CPNE9: variants seen among roughly 807,000 people sequenced by gnomAD.
CPNE9 encodes copine family member 9.
In CPNE9, 59 loss-of-function variants were observed where a neutral mutation model predicts 83.0. That is an observed-to-expected ratio of 0.71 (90% CI 0.58 to 0.88). The LOEUF (loss-of-function observed/expected upper bound fraction) is 0.88. Ranked by LOEUF, CPNE9 falls within the 40% of genes least tolerant of loss-of-function variation. CPNE9 has a pLI of 0.00. For synonymous variants in CPNE9, 256 were observed against 273.4 expected (o/e 0.94, Z 0.63); for missense variants, 619 against 720.8 (o/e 0.86, Z 1.62).
intron 11 of CPNE9, 31 bp downstream of exon 11, chr3:9,714,986 G>A (rs1377928771): frequency 6.2e-7 from 1 of 1,600,198 alleles, no homozygotes; most frequent in Admixed American, 1.7e-5. Context: ...CCCTTCTCCT[G>A]TACTTGACCC....
At chr3:9,708,851 G>A (rs929700064) in intron 7 of CPNE9, among the ~76,000 whole-genome samples, 2 of 151,710 alleles carry the variant, frequency 1.3e-5, no homozygotes, top group Admixed American at 1.3e-4. Context: ...AGCCAGGTTG[G>A]TCTCGATCTC....
Position 9,725,938 on chromosome 3 carries a change from C to T in CPNE9, c.1242-11C>T. The T allele has an allele frequency of 6.2e-7, 1 of 1,603,408 alleles. No individual in the cohort carries two copies. The highest frequency in any genetic ancestry group is 1.3e-5 in the African/African-American group (1 of 74,744). On this transcript the variant is annotated splice_polypyrimidine_tract_variant and intron_variant, in intron 17 of 20. Transcript: ENST00000383832. ...GCTTTCAGCTGGATTCTCATTTGGC[C>T]TCTCATCCAGGGCTGCAGCCAAGAT...
chr3:9,705,459 C>G lies in CPNE9; in HGVS notation c.261-5C>G. ...CACCCCACACCGGTTCCACTCTTTT[C>G]CCAGGTACAACGTGGACTCCAAAAC... On this transcript the variant is annotated splice_region_variant and splice_polypyrimidine_tract_variant and intron_variant, in intron 4 of 20. Coordinates refer to ENST00000383832, the MANE Select transcript of CPNE9 (RefSeq NM_153635.3). The G allele has an allele frequency of 9.3e-7, 1 of 1,070,648 alleles. No individual in the cohort carries two copies. The highest frequency in any genetic ancestry group is 1.2e-6 in the Non-Finnish European group (1 of 802,464). 66.3% of individuals were successfully genotyped at this position (1,070,648 alleles called of 1,614,324 possible). A position where few individuals can be genotyped will look rare whatever the true frequency, so the allele number is the denominator to read the frequency against.
intron 17 of CPNE9, among the ~76,000 whole-genome samples, chr3:9,722,562 G>A: frequency 6.6e-6 from 1 of 151,870 alleles, no homozygotes; most frequent in Admixed American, 6.6e-5. Context: ...TCAGGCTGGA[G>A]TGTAGTGGTA....
intron 7 of CPNE9, among the ~76,000 whole-genome samples, chr3:9,708,557 T>A (rs150882239): frequency 5.9e-5 from 9 of 152,354 alleles, no homozygotes; most frequent in Admixed American, 2.6e-4. Flanking sequence ...TTTAGCAAGA[T>A]GAAAATCCCT....
At chr3:9,719,092 C>T (rs1286783661) in intron 17 of CPNE9, among the ~76,000 whole-genome samples, 1 of 152,028 alleles carries the variant, frequency 6.6e-6, no homozygotes, top group African/African-American at 2.4e-5. Context: ...CTGCCTCAGC[C>T]TCCCAAAGTG....
Position 9,718,337 on chromosome 3 carries a change from A to G in CPNE9, c.1113+127A>G. 4 of 1,382,712 alleles carry G rather than the reference A, an allele frequency of 2.9e-6. No homozygotes were observed. The South Asian group carries it at 5.3e-5, about 18-fold the overall frequency. 85.7% of individuals were successfully genotyped at this position (1,382,712 alleles called of 1,614,324 possible). A position where few individuals can be genotyped will look rare whatever the true frequency, so the allele number is the denominator to read the frequency against. The stretch of plus-strand genomic sequence containing the variant: ...ACAGGAAGCTATGAGAGGATAGCAG[A>G]GCAGGGAGGGGAGCAGGGCTGGGTT... On this transcript the variant is annotated intron_variant, in intron 16 of 20. Coordinates refer to ENST00000383832, the MANE Select transcript of CPNE9 (RefSeq NM_153635.3).
At chr3:9,717,131 G>A (rs374173928) in intron 15 of CPNE9, 27 bp downstream of exon 15, 49 of 1,613,430 alleles carry the variant, frequency 3.0e-5, no homozygotes, top group Non-Finnish European at 3.7e-5. Flanking sequence ...TGAAAAAGTC[G>A]GAGGTGGGAA....
At chr3:9,705,527 G>A (rs1320900973) in intron 5 of CPNE9, 27 bp downstream of exon 5, 3 of 1,609,306 alleles carry the variant, frequency 1.9e-6, no homozygotes, top group Non-Finnish European at 2.5e-6. Flanking sequence ...TCGAGGGTTG[G>A]CGGAGCGCAC....
At position 9,705,067 on chromosome 3, in the gene CPNE9, C is replaced by T; in HGVS notation, c.260+73C>T. 9 of 1,133,746 alleles carry T rather than the reference C, an allele frequency of 7.9e-6. No individual in the cohort carries two copies. The South Asian group carries it at 1.1e-4, about 13-fold the overall frequency. 70.2% of individuals were successfully genotyped at this position (1,133,746 alleles called of 1,614,324 possible). Reference sequence around the variant, plus strand: ...CCGCCCGGAATTCTGGCTGGCCCCACCCCCGCCTCGCCTCCGGCCTGGTTC... The same window carrying T: ...CCGCCCGGAATTCTGGCTGGCCCCATCCCCGCCTCGCCTCCGGCCTGGTTC... On this transcript the variant is annotated intron_variant, in intron 4 of 20. Coordinates refer to ENST00000383832, the MANE Select transcript of CPNE9 (RefSeq NM_153635.3).
intron 14 of CPNE9, 88 bp from the exon 15 acceptor site, chr3:9,716,970 C>T (rs768661496): frequency 2.1e-5 from 29 of 1,374,642 alleles, no homozygotes; most frequent in Non-Finnish European, 2.6e-5. Context: ...ATGAGCCCCA[C>T]GTGATCCATA....
chr3:9,716,379 T>C (rs997656766), intron 14 of CPNE9, among the ~76,000 whole-genome samples: 9 of 152,016 alleles, frequency 5.9e-5, no homozygotes, highest in African/African-American at 2.2e-4. Context: ...AAGCAGACTA[T>C]AGGGGACATT....
chr3:9,709,766 T>G (rs374523788), intron 7 of CPNE9, among the ~76,000 whole-genome samples: 10 of 151,618 alleles, frequency 6.6e-5, no homozygotes, highest in South Asian at 4.2e-4. Context: ...GAGGCAGGTG[T>G]ATCACCTGAG....
intron 20 of CPNE9, among the ~76,000 whole-genome samples, chr3:9,728,993 G>C (rs769000559): frequency 1.3e-5 from 2 of 152,116 alleles, no homozygotes; most frequent in Non-Finnish European, 2.9e-5. Flanking sequence ...AATTTTTAAA[G>C]TCATGGAAGT....
intron 17 of CPNE9, among the ~76,000 whole-genome samples, chr3:9,721,348 G>A (rs1372302460): frequency 1.3e-5 from 2 of 152,210 alleles, no homozygotes; most frequent in Non-Finnish European, 2.9e-5. Context: ...TGAAGTTTCC[G>A]TATTTCATCT....
chr3:9,726,734 G>T lies in CPNE9; in HGVS notation c.1402+12G>T. The T allele has an allele frequency of 6.2e-7, 1 of 1,613,198 alleles. No individual in the cohort carries two copies. The highest frequency in any genetic ancestry group is 1.3e-5 in the African/African-American group (1 of 74,994). ...AGCCATGTTTGAGGGTGAGTAGGAAGGGGTGTCCCTGAGTGGGACTAAGAA... is the reference window on the plus strand; with the variant it reads ...AGCCATGTTTGAGGGTGAGTAGGAATGGGTGTCCCTGAGTGGGACTAAGAA... On this transcript the variant is annotated intron_variant, in intron 19 of 20. Coordinates refer to ENST00000383832, the MANE Select transcript of CPNE9 (RefSeq NM_153635.3).
chr3:9,713,581 C>G (rs2076650532), intron 10 of CPNE9, among the ~76,000 whole-genome samples: 1 of 151,844 alleles, frequency 6.6e-6, no homozygotes, highest in East Asian at 1.9e-4. Flanking sequence ...TGATGGATGA[C>G]TGGGGAGGCA....
intron 10 of CPNE9, among the ~76,000 whole-genome samples, chr3:9,713,694 G>A (rs1246757195): frequency 2.0e-5 from 3 of 152,154 alleles, no homozygotes; most frequent in Non-Finnish European, 4.4e-5. Flanking sequence ...TGAACGGATG[G>A]ATTTGTAGGT....
chr3:9,722,245 A>G (rs547329902), intron 17 of CPNE9, among the ~76,000 whole-genome samples: 1 of 150,446 alleles, frequency 6.6e-6, no homozygotes, highest in Non-Finnish European at 1.5e-5. Flanking sequence ...GAACTTTTAA[A>G]GCGCCTACCT....
Sources: allele counts gnomAD v4.1 joint callset (sites outside exome capture counted in the v4.1 genomes callset), GRCh38; gene constraint gnomAD v4.1.1; transcripts MANE v1.5; gene names NCBI Gene and HGNC (gene_info 2026-07-23, HGNC 2026-07-21).